The following METTL8 variants were observed in gnomAD, a reference collection of about 807,000 sequenced individuals.
METTL8 encodes methyltransferase 8, tRNA N3-cytidine, also known as tRNA N(3)-cytidine methyltransferase METTL8, mitochondrial.
METTL8 carries 32 observed loss-of-function variants against 48.7 expected under a neutral mutation model. That is an observed-to-expected ratio of 0.66 (90% confidence interval 0.50 to 0.88). The LOEUF is 0.88. Among genes scored for constraint, METTL8 ranks in the 40% least tolerant of loss-of-function variants. The probability of loss-of-function intolerance (pLI) is 0.00; values close to 1 mark genes in which losing one functional copy is unlikely to be tolerated. For synonymous variants in METTL8, 136 were observed against 157.1 expected, an observed-to-expected ratio of 0.87 and a Z score of 1.01; for missense variants, 464 against 474.4, an observed-to-expected ratio of 0.98 and a Z score of 0.20.
Position 171,322,738 on chromosome 2 carries a change from C to G in METTL8, c.*1434G>C. ...CAGCCTGGGTGCCAGAGCAAGACTC[C>G]ATCTCAAAAAAAAAAAAAAAAAAAA... is the stretch of plus-strand genomic sequence containing the variant. On this transcript the variant is annotated 3_prime_UTR_variant, in exon 10 of 10. Coordinates refer to ENST00000375258, the MANE Select transcript of METTL8 (RefSeq NM_001321154.2). 1 of 56,756 alleles carries G rather than the reference C, an allele frequency of 1.8e-5. No homozygotes were observed. The allele number at this position is 56,756 out of a possible 1,614,324, so 3.5% of individuals were successfully genotyped here. A position where few individuals can be genotyped will look rare whatever the true frequency, so the allele number is the denominator to read the frequency against.
intron 1 of METTL8, among the ~76,000 whole-genome samples, chr2:171,425,817 AGGAGACAGGGATAAG>A: frequency 6.6e-6 from 1 of 152,236 alleles, no homozygotes; most frequent in African/African-American, 2.4e-5. Flanking sequence ...AACGTGTGCC[AGGAGACAGGGATAAG>A]AATGTCTATA....
intron 7 of METTL8, among the ~76,000 whole-genome samples, chr2:171,329,055 G>A (rs1186962464): frequency 2.6e-5 from 4 of 151,412 alleles, no homozygotes; most frequent in South Asian, 2.1e-4. Flanking sequence ...GTGCAATCTC[G>A]GCACACTGCA....
intron 3 of METTL8, among the ~76,000 whole-genome samples, chr2:171,349,662 A>G (rs1207165693): frequency 6.6e-6 from 1 of 152,058 alleles, no homozygotes; most frequent in Non-Finnish European, 1.5e-5. Flanking sequence ...TTGCTTTCAA[A>G]TCTTTTGCAT....
At chr2:171,377,297 C>G (rs1687070958) in intron 2 of METTL8, among the ~76,000 whole-genome samples, 1 of 152,024 alleles carries the variant, frequency 6.6e-6, no homozygotes, top group Non-Finnish European at 1.5e-5. Flanking sequence ...GCAAAGAATT[C>G]ATGACTAAGA....
chr2:171,318,927 C>T lies in METTL8; in HGVS notation c.*5245G>A, dbSNP rs553831026. 1 of 151,992 alleles carries T rather than the reference C, an allele frequency of 6.6e-6. No homozygotes were observed. Among genetic ancestry groups the T allele is most frequent in the East Asian group, 1.9e-4 (1 of 5,178 alleles). 9.4% of individuals were successfully genotyped at this position (151,992 alleles called of 1,614,324 possible). On this transcript the variant is annotated 3_prime_UTR_variant, in exon 10 of 10. Transcript: ENST00000375258. ...TAGATGTGGTATCCTGAGCAAGTTA[C>T]CCAACATCTCTTCTGTAAATGGTTA...
chr2:171,373,204 T>C (rs1281851893), intron 2 of METTL8, among the ~76,000 whole-genome samples: 9 of 152,228 alleles, frequency 5.9e-5, no homozygotes, highest in Admixed American at 5.9e-4. Context: ...TATCTCATTG[T>C]GGTTTTGATT....
intron 3 of METTL8, among the ~76,000 whole-genome samples, chr2:171,343,160 C>T (rs1450324092): frequency 3.3e-5 from 5 of 152,164 alleles, no homozygotes; most frequent in African/African-American, 7.2e-5. Flanking sequence ...AGATAATAAG[C>T]GGGGCATGAT....
At chr2:171,396,860 T>G (rs1040870403) in intron 1 of METTL8, among the ~76,000 whole-genome samples, 5 of 151,612 alleles carry the variant, frequency 3.3e-5, no homozygotes, top group African/African-American at 1.2e-4. Context: ...TCTTTTTTTT[T>G]TTTTCTTTTT....
Position 171,331,815 on chromosome 2 carries a change from C to T in METTL8, c.709G>A (p.Glu237Lys), listed in dbSNP as rs1362552013. The change falls in exon 6 of 10, where the codon GAG becomes AAG. Residue 237 changes from glutamate to lysine, a missense_variant. Transcript: ENST00000375258. ...YCCDFASGAV[E>K]LVKSHSSYRA... ...CAGGAGTAGCATACCTTTACGAGCT[C>T]CACAGCTCCAGAAGCAAAATCACAA... 1 of 1,604,312 alleles carries T rather than the reference C, an allele frequency of 6.2e-7. No individual in the cohort carries two copies. The highest frequency in any genetic ancestry group is 1.3e-5 in the African/African-American group (1 of 74,948).
chr2:171,418,711 T>C (rs1480595268), intron 1 of METTL8, among the ~76,000 whole-genome samples: 6 of 152,068 alleles, frequency 3.9e-5, no homozygotes, highest in Non-Finnish European at 5.9e-5. Context: ...CCCAGCACTT[T>C]GGGAGGCCGA....
intron 2 of METTL8, among the ~76,000 whole-genome samples, chr2:171,387,370 G>A (rs1260325682): frequency 6.6e-6 from 1 of 151,868 alleles, no homozygotes; most frequent in African/African-American, 2.4e-5. Flanking sequence ...CAGCGAGGGG[G>A]ACATAGGAGC....
At position 171,358,773 on chromosome 2, in the gene METTL8, G is replaced by A. The variant is rs1290901613; in HGVS notation, c.235+1649C>T. Among the ~76,000 whole-genome samples, 8 of 152,194 alleles carry A rather than the reference G, an allele frequency of 5.3e-5. No homozygotes were observed. The East Asian group carries it at 1.5e-3, about 29-fold the overall frequency. On this transcript the variant is annotated intron_variant, in intron 3 of 9. Transcript: ENST00000375258. The stretch of plus-strand genomic sequence containing the variant: ...TTTTTATTTGTCTATTTTGTCATTT[G>A]TCAAAAGATTTCAAAAGCACAAGCA...
In METTL8 at chr2:171,428,542, T is replaced by C. The variant is rs545827871; in HGVS notation, c.-13+5341A>G. Among the ~76,000 whole-genome samples the C allele has an allele frequency of 7.9e-5, 12 of 152,156 alleles. No homozygotes were observed. The East Asian group carries it at 2.1e-3, about 27-fold the overall frequency. ...GTTGATAATAGATTCTATACAAACA[T>C]ATTGTTTTTTATAGCCCATTCATTT... is the stretch of plus-strand genomic sequence containing the variant. On this transcript the variant is annotated intron_variant, in intron 1 of 9. Coordinates refer to ENST00000375258, the MANE Select transcript of METTL8 (RefSeq NM_001321154.2).
At chr2:171,363,817 T>TATATATATATATGTATA (rs1228494441) in intron 2 of METTL8, among the ~76,000 whole-genome samples, 2 of 129,054 alleles carry the variant, frequency 1.5e-5, no homozygotes, top group African/African-American at 5.9e-5. Context: ...TATATATATC[T>TATATATATATATGTATA]TTTTTTTTTT....
At chr2:171,434,350 A>G (rs1431357864), upstream of METTL8, 1 of 758,278 alleles carries the variant, frequency 1.3e-6, no homozygotes, top group African/African-American at 1.7e-5. Flanking sequence ...GCAGATCGAA[A>G]AGGGAGTGCT....
chr2:171,393,592 A>C (rs1688787648), intron 1 of METTL8, among the ~76,000 whole-genome samples: 1 of 152,178 alleles, frequency 6.6e-6, no homozygotes, highest in Non-Finnish European at 1.5e-5. Flanking sequence ...AGAAGCTCTA[A>C]GGTGCTTACT....
intron 2 of METTL8, among the ~76,000 whole-genome samples, chr2:171,361,191 T>C (rs1229574617): frequency 6.6e-6 from 1 of 151,944 alleles, no homozygotes; most frequent in South Asian, 2.1e-4. Flanking sequence ...TTTCTTGGAA[T>C]AGAAGCGACA....
At chr2:171,434,055 G>C (rs893948124), upstream of METTL8, 15 of 292,894 alleles carry the variant, frequency 5.1e-5, no homozygotes, top group Admixed American at 4.8e-5. Context: ...ACCTGGAGGC[G>C]GCAGCACCGC....
At chr2:171,356,280 C>G (rs1044429805) in intron 3 of METTL8, among the ~76,000 whole-genome samples, 1 of 152,144 alleles carries the variant, frequency 6.6e-6, no homozygotes, top group Non-Finnish European at 1.5e-5. Context: ...GCTAGGACTA[C>G]AGGTGTGTGC....
Sources: gnomAD v4.1 joint callset for allele counts (sites outside exome capture counted in the v4.1 genomes callset) on GRCh38, gnomAD v4.1.1 for gene constraint, MANE v1.5 for transcripts, NCBI Gene and HGNC (gene_info 2026-07-23, HGNC 2026-07-21) for gene names.